Variants in ACSM1 observed in about 807,000 individuals in gnomAD.
The protein encoded by ACSM1 is acyl-CoA synthetase medium chain family member 1.
A neutral mutation model predicts 75.8 loss-of-function variants in ACSM1; 79 were observed. The observed-to-expected ratio is 1.04, with a 90% CI of 0.87 to 1.26. The LOEUF (loss-of-function observed/expected upper bound fraction) is 1.26. Among genes scored for constraint, ACSM1 ranks in the 50% most tolerant of loss-of-function variants. ACSM1 has a pLI of 0.00. For missense variants in ACSM1, 676 were observed against 720.1 expected, an observed-to-expected ratio of 0.94 and a Z score of 0.70; for synonymous variants, 279 against 265.8, an observed-to-expected ratio of 1.05 and a Z score of -0.48.
At chr16:20,657,095 G>A (rs531521001) in intron 7 of ACSM1, among the ~76,000 whole-genome samples, 16 of 152,014 alleles carry the variant, frequency 1.1e-4, no homozygotes, top group Non-Finnish European at 2.1e-4. Flanking sequence ...TATAAGTTGT[G>A]AAGATAAATA....
chr16:20,625,525 G>A lies in ACSM1; in HGVS notation c.1428-3C>T, dbSNP rs376052166. ...CCTCTGCAGGCCCGATGCGATACCT[G>A]GAGGATGAAGGGTTCTGAGGCAGAT... On this transcript the variant is annotated splice_region_variant and splice_polypyrimidine_tract_variant and intron_variant, in intron 11 of 13. Coordinates refer to ENST00000520010, the MANE Select transcript of ACSM1 (RefSeq NM_001318890.3). The A allele has an allele frequency of 3.1e-6, 5 of 1,613,264 alleles. No individual in the cohort carries two copies. In the African/African-American group the frequency reaches 5.3e-5, roughly 17 times the overall value.
intron 4 of ACSM1, among the ~76,000 whole-genome samples, chr16:20,673,880 G>A (rs903636546): frequency 6.6e-6 from 1 of 152,172 alleles, no homozygotes; most frequent in Non-Finnish European, 1.5e-5. Context: ...CACAGTCCCA[G>A]GGGTGAGTAT....
chr16:20,625,278 A>G (rs750458740), intron 12 of ACSM1, 145 bp downstream of exon 12: 2 of 726,482 alleles, frequency 2.8e-6, no homozygotes, highest in Non-Finnish European at 4.5e-6. Context: ...GAGAGTCCAC[A>G]CTGTCCCCTG....
chr16:20,653,508 T>C (rs1420460735), intron 7 of ACSM1, among the ~76,000 whole-genome samples: 1 of 152,132 alleles, frequency 6.6e-6, no homozygotes, highest in Non-Finnish European at 1.5e-5. Flanking sequence ...AAAAACCCCA[T>C]CGTCTCAGCC....
chr16:20,651,190 G>A (rs528156524), intron 7 of ACSM1, among the ~76,000 whole-genome samples: 20 of 152,050 alleles, frequency 1.3e-4, no homozygotes, highest in Admixed American at 7.2e-4. Flanking sequence ...AATTTAAGAC[G>A]ATTTAGCTGA....
intron 8 of ACSM1, among the ~76,000 whole-genome samples, 181 bp from the exon 9 acceptor site, chr16:20,637,632 C>T (rs1274081404): frequency 6.6e-6 from 1 of 152,208 alleles, no homozygotes; most frequent in Non-Finnish European, 1.5e-5. Flanking sequence ...GTTGACCCAA[C>T]TCTATTCCAC....
chr16:20,664,171 T>TTATTTATTTATTTATA lies in ACSM1; in HGVS notation c.913-2299_913-2298insTATAAATAAATAAATA, dbSNP rs1375975587. Among the ~76,000 whole-genome samples, 14 of 151,610 alleles carry TTATTTATTTATTTATA rather than the reference T, an allele frequency of 9.2e-5. No homozygotes were observed. The South Asian group carries it at 2.9e-3, about 32-fold the overall frequency. ...AGTATTTATTTATTTATTTATTTATTTATTTTTGGTCTAAATGCCCCCTTT... is the reference window on the plus strand; with the variant it reads ...AGTATTTATTTATTTATTTATTTATTTATTTATTTATTTATATATTTTTGGTCTAAATGCCCCCTTT... On this transcript the variant is annotated intron_variant, in intron 6 of 13. Coordinates refer to ENST00000520010, the MANE Select transcript of ACSM1 (RefSeq NM_001318890.3).
intron 2 of ACSM1, among the ~76,000 whole-genome samples, chr16:20,689,508 T>C (rs761813863): frequency 6.6e-6 from 1 of 152,012 alleles, no homozygotes; most frequent in African/African-American, 2.4e-5. Flanking sequence ...TCAAAAGACA[T>C]AGATTGGCAG....
At chr16:20,623,670 C>A in intron 13 of ACSM1, 98 bp from the exon 14 acceptor site, 2 of 1,212,678 alleles carry the variant, frequency 1.6e-6, no homozygotes, top group Non-Finnish European at 2.4e-6. Context: ...GTCTCCCATG[C>A]AGGCTGACAC....
At chr16:20,645,441 T>C (rs1188113218) in intron 7 of ACSM1, among the ~76,000 whole-genome samples, 2 of 152,198 alleles carry the variant, frequency 1.3e-5, no homozygotes, top group Non-Finnish European at 2.9e-5. Flanking sequence ...TGTATGTACC[T>C]TTTTCCCTCT....
intron 6 of ACSM1, among the ~76,000 whole-genome samples, chr16:20,665,976 A>T (rs990742193): frequency 6.6e-6 from 1 of 152,116 alleles, no homozygotes; most frequent in Non-Finnish European, 1.5e-5. Context: ...GCATTGAAAG[A>T]ACATACCTCT....
intron 10 of ACSM1, among the ~76,000 whole-genome samples, chr16:20,632,642 C>G (rs1344968238): frequency 6.6e-6 from 1 of 152,176 alleles, no homozygotes. Context: ...TTTTCCAACT[C>G]TTTTTACAAA....
Position 20,648,955 on chromosome 16 carries a change from T to A in ACSM1, c.993-8371A>T, listed in dbSNP as rs944314400. ...TTGGCAAAATAACCTCTAAATTGAT[T>A]GAGACTTATCTCAGTATTGGTTTGT... On this transcript the variant is annotated intron_variant, in intron 7 of 13. Coordinates refer to ENST00000520010, the MANE Select transcript of ACSM1 (RefSeq NM_001318890.3). The surrounding 1 kb of genome is among the most constrained non-coding windows in gnomAD (Gnocchi z 4.2). Among the ~76,000 whole-genome samples the A allele has an allele frequency of 6.6e-6, 1 of 152,232 alleles. No individual in the cohort carries two copies. Among genetic ancestry groups the A allele is most frequent in the Admixed American group, 6.5e-5 (1 of 15,280 alleles).
At chr16:20,636,290 AC>A (rs953483739) in intron 10 of ACSM1, among the ~76,000 whole-genome samples, 4 of 151,994 alleles carry the variant, frequency 2.6e-5, no homozygotes, top group Non-Finnish European at 5.9e-5. Flanking sequence ...TCTGGTTTTT[AC>A]TTTTTTTTAA....
chr16:20,690,936 G>A (rs1010099582), intron 2 of ACSM1, 61 bp downstream of exon 2: 118 of 1,527,456 alleles, frequency 7.7e-5, no homozygotes, highest in Non-Finnish European at 1.0e-4. Flanking sequence ...CCTAGTAGGA[G>A]CAAGATAAGG....
chr16:20,657,371 C>G (rs1318522710), intron 7 of ACSM1, among the ~76,000 whole-genome samples: 1 of 151,752 alleles, frequency 6.6e-6, no homozygotes. Context: ...TGCAGCAGTG[C>G]GATCTCAGCT....
At chr16:20,647,590 G>C in intron 7 of ACSM1, among the ~76,000 whole-genome samples, 1 of 152,084 alleles carries the variant, frequency 6.6e-6, no homozygotes, top group East Asian at 1.9e-4. Context: ...AAATGAAGCT[G>C]GATGACCAAC....
At chr16:20,671,803 C>T (rs2019925807) in intron 4 of ACSM1, 132 bp from the exon 5 acceptor site, 7 of 995,528 alleles carry the variant, frequency 7.0e-6, no homozygotes, top group East Asian at 2.8e-5. Context: ...CTGGCTCTCC[C>T]GGAGTTAGGC....
In ACSM1 at chr16:20,691,209, C is replaced by A. The variant is rs749072090; in HGVS notation, c.-21G>T. On this transcript the variant is annotated 5_prime_UTR_variant, in exon 2 of 14. Coordinates refer to ENST00000520010, the MANE Select transcript of ACSM1 (RefSeq NM_001318890.3). The stretch of plus-strand genomic sequence containing the variant: ...TGCATGGTGAAACAGTCCTCAGAAA[C>A]CAGGCACAGAGTTCTCAAGTCACCA... 2.7e-4 allele frequency: 420 copies of A among 1,541,272 alleles called. No individual in the cohort carries two copies. Among genetic ancestry groups the A allele is most frequent in the Non-Finnish European group, 3.5e-4 (406 of 1,148,648 alleles).
Sources: allele counts gnomAD v4.1 joint callset (sites outside exome capture counted in the v4.1 genomes callset), GRCh38; gene constraint gnomAD v4.1.1; non-coding constraint Gnocchi (gnomAD v3.1); transcripts MANE v1.5; gene names NCBI Gene and HGNC (gene_info 2026-07-23, HGNC 2026-07-21).